ATRNL1: variants seen among roughly 807,000 people sequenced by gnomAD.
The protein encoded by ATRNL1 is attractin-like protein 1.
In ATRNL1, 95 loss-of-function variants were observed where a neutral mutation model predicts 182.7. That is an observed-to-expected ratio of 0.52 (90% confidence interval 0.44 to 0.62). The LOEUF is 0.62. Ranked by LOEUF, ATRNL1 falls within the 20% of genes least tolerant of loss-of-function variation. The pLI, the probability that ATRNL1 is intolerant of heterozygous loss-of-function variation, is 0.00. For synonymous variants in ATRNL1, 576 were observed against 568.3 expected (o/e 1.01, Z -0.19); for missense variants, 1,471 against 1,679.5 (o/e 0.88, Z 2.17).
At chr10:115,471,161 G>T (rs1183632588) in intron 24 of ATRNL1, among the ~76,000 whole-genome samples, 1 of 150,634 alleles carries the variant, frequency 6.6e-6, no homozygotes, top group Non-Finnish European at 1.5e-5. Flanking sequence ...CCATTGTTAT[G>T]TGTGTGTATG....
intron 26 of ATRNL1, among the ~76,000 whole-genome samples, chr10:115,567,759 C>T (rs536156598): frequency 1.0e-3 from 155 of 152,134 alleles, no homozygotes; most frequent in Non-Finnish European, 1.9e-3. Flanking sequence ...CATTAGTGAA[C>T]AACTAGGAGG....
intron 26 of ATRNL1, among the ~76,000 whole-genome samples, chr10:115,607,502 A>G (rs575022907): frequency 6.6e-6 from 1 of 151,836 alleles, no homozygotes; most frequent in Non-Finnish European, 1.5e-5. Context: ...TTCACAAGCA[A>G]TAGTTATTTT....
At chr10:115,247,008 A>C (rs576180387) in intron 10 of ATRNL1, among the ~76,000 whole-genome samples, 1 of 152,332 alleles carries the variant, frequency 6.6e-6, no homozygotes, top group Non-Finnish European at 1.5e-5. Context: ...CATTTGCAGC[A>C]GTATGAAACT....
intron 28 of ATRNL1, among the ~76,000 whole-genome samples, chr10:115,919,249 CAAGT>C (rs1456283248): frequency 2.0e-5 from 3 of 152,044 alleles, no homozygotes; most frequent in African/African-American, 7.3e-5. Flanking sequence ...CTTGGGCACA[CAAGT>C]AAGTAAGTTA....
At position 115,852,309 on chromosome 10, in the gene ATRNL1, G is replaced by A. The variant is rs199666161; in HGVS notation, c.4018+4318G>A. Reference sequence around the variant, plus strand: ...TTCTACGTTAGCCTTAGAAGTTTGGGCAGAATGATTAGATTATTTTGAATA... The same window carrying A: ...TTCTACGTTAGCCTTAGAAGTTTGGACAGAATGATTAGATTATTTTGAATA... On this transcript the variant is annotated intron_variant, in intron 28 of 28. Coordinates refer to ENST00000355044, the MANE Select transcript of ATRNL1 (RefSeq NM_207303.4). Among the ~76,000 whole-genome samples, 4 of 152,212 alleles carry A rather than the reference G, an allele frequency of 2.6e-5. No individual in the cohort carries two copies. In the East Asian group the frequency reaches 7.7e-4, roughly 29 times the overall value.
intron 17 of ATRNL1, among the ~76,000 whole-genome samples, chr10:115,308,154 A>G (rs1853829313): frequency 6.6e-6 from 1 of 152,156 alleles, no homozygotes; most frequent in Non-Finnish European, 1.5e-5. Flanking sequence ...TTCAGTCATA[A>G]TATTGTGATA....
intron 25 of ATRNL1, among the ~76,000 whole-genome samples, chr10:115,527,914 TCCTC>T (rs782168097): frequency 1.3e-4 from 9 of 68,346 alleles, no homozygotes; most frequent in African/African-American, 2.9e-4. Context: ...CTTCCTTCCT[TCCTC>T]CCTTCCTCCC....
At chr10:115,455,920 C>T (rs1458601485) in intron 21 of ATRNL1, among the ~76,000 whole-genome samples, 3 of 152,036 alleles carry the variant, frequency 2.0e-5, no homozygotes, top group African/African-American at 7.2e-5. Flanking sequence ...AAATGCAAAT[C>T]AAAACCACAA....
intron 1 of ATRNL1, among the ~76,000 whole-genome samples, chr10:115,110,131 C>G (rs1337170252): frequency 6.6e-6 from 1 of 151,964 alleles, no homozygotes; most frequent in African/African-American, 2.4e-5. Flanking sequence ...ATTATAATTT[C>G]CAAAAATATA....
intron 18 of ATRNL1, among the ~76,000 whole-genome samples, chr10:115,325,220 G>T (rs1854809070): frequency 6.6e-6 from 1 of 152,054 alleles, no homozygotes; most frequent in South Asian, 2.1e-4. Context: ...AAAATAGAAT[G>T]GATGACTTCT....
At position 115,265,755 on chromosome 10, in the gene ATRNL1, A is replaced by G. The variant is rs1851583230; in HGVS notation, c.1772+478A>G. Among the ~76,000 whole-genome samples, 6 of 151,800 alleles carry G rather than the reference A, an allele frequency of 4.0e-5. No individual in the cohort carries two copies. In the South Asian group the frequency reaches 1.2e-3, roughly 31 times the overall value. On this transcript the variant is annotated intron_variant, in intron 11 of 28. Coordinates refer to ENST00000355044, the MANE Select transcript of ATRNL1 (RefSeq NM_207303.4). ...TTAAAATCATTATATCCATTGAGAA[A>G]TTGGACTCAATGGTCATTACATTGC...
At chr10:115,108,284 A>G (rs1241054152) in intron 1 of ATRNL1, among the ~76,000 whole-genome samples, 2 of 152,180 alleles carry the variant, frequency 1.3e-5, no homozygotes, top group Admixed American at 1.3e-4. Flanking sequence ...TGAAGTGGCT[A>G]CATTGTCTGG....
chr10:115,251,667 T>C (rs1445199040), intron 10 of ATRNL1, among the ~76,000 whole-genome samples: 1 of 152,144 alleles, frequency 6.6e-6, no homozygotes, highest in Non-Finnish European at 1.5e-5. Flanking sequence ...GCCTGGTGGG[T>C]TTTCTGGCAT....
At chr10:115,215,918 T>C (rs1197019847) in intron 9 of ATRNL1, 38 bp downstream of exon 9, 2 of 1,400,766 alleles carry the variant, frequency 1.4e-6, no homozygotes, top group African/African-American at 3.0e-5. Context: ...ATGTTGCCAT[T>C]ATTATTGTAA....
chr10:115,666,813 A>G lies in ATRNL1; in HGVS notation c.3796-60435A>G, dbSNP rs535361243. The stretch of plus-strand genomic sequence containing the variant: ...GTTCTATTGGACAGCACTCATCTAG[A>G]ATGACCACCTACCCTATTCACAAGA... On this transcript the variant is annotated intron_variant, in intron 26 of 28. Coordinates refer to ENST00000355044, the MANE Select transcript of ATRNL1 (RefSeq NM_207303.4). 1.2e-4 allele frequency among the ~76,000 whole-genome samples: 19 copies of G among 152,260 alleles called. 1 individual carries two copies. In the South Asian group the frequency reaches 3.9e-3, roughly 32 times the overall value.
chr10:115,652,294 A>G (rs193132091), intron 26 of ATRNL1, among the ~76,000 whole-genome samples: 5 of 151,346 alleles, frequency 3.3e-5, no homozygotes, highest in Admixed American at 2.0e-4. Context: ...TCTATTTTGT[A>G]TTTTTCTCAT....
At chr10:115,521,647 T>C (rs1359523865) in intron 25 of ATRNL1, among the ~76,000 whole-genome samples, 1 of 152,218 alleles carries the variant, frequency 6.6e-6, no homozygotes, top group African/African-American at 2.4e-5. Context: ...ACTGTTAATG[T>C]GTACCATGTC....
chr10:115,786,615 A>G (rs1012597104), intron 27 of ATRNL1, among the ~76,000 whole-genome samples: 1 of 152,170 alleles, frequency 6.6e-6, no homozygotes, highest in South Asian at 2.1e-4. Flanking sequence ...ATTGAACCTC[A>G]TCTTAATTAA....
At chr10:115,890,032 C>T (rs1952041748) in intron 28 of ATRNL1, among the ~76,000 whole-genome samples, 1 of 152,194 alleles carries the variant, frequency 6.6e-6, no homozygotes, top group African/African-American at 2.4e-5. Flanking sequence ...CTTGTCATTT[C>T]TTCCATTGAT....
Sources: allele counts gnomAD v4.1 joint callset (sites outside exome capture counted in the v4.1 genomes callset), GRCh38; gene constraint gnomAD v4.1.1; transcripts MANE v1.5; gene names NCBI Gene and HGNC (gene_info 2026-07-23, HGNC 2026-07-21).